MIPOL1: variants seen among roughly 807,000 people sequenced by gnomAD.
MIPOL1 encodes mirror-image polydactyly gene 1 protein.
In MIPOL1, 57 loss-of-function variants were observed where a neutral mutation model predicts 60.9. The ratio of observed to expected loss-of-function variants is 0.94; its 90% CI spans 0.76 to 1.17. The LOEUF is 1.17. MIPOL1 is among the 50% of genes most tolerant of loss of function. The probability of loss-of-function intolerance (pLI) is 0.00; values close to 1 mark genes in which losing one functional copy is unlikely to be tolerated. For synonymous variants in MIPOL1, 179 were observed against 168.8 expected, an observed-to-expected ratio of 1.06 and a Z score of -0.47; for missense variants, 551 against 511.6, an observed-to-expected ratio of 1.08 and a Z score of -0.74.
chr14:37,365,273 CTTG>C (rs1426729459), intron 9 of MIPOL1, among the ~76,000 whole-genome samples: 2 of 152,102 alleles, frequency 1.3e-5, no homozygotes, highest in Non-Finnish European at 2.9e-5. Context: ...AGTGGGCATC[CTTG>C]TTGTTTTCCA....
chr14:37,526,837 C>A (rs2095450773), intron 12 of MIPOL1, among the ~76,000 whole-genome samples: 1 of 152,090 alleles, frequency 6.6e-6, no homozygotes, highest in Middle Eastern at 3.4e-3. Context: ...TTAATTTTGA[C>A]AAAAATTGTC....
chr14:37,497,953 T>C (rs2095157706), intron 11 of MIPOL1, among the ~76,000 whole-genome samples: 2 of 152,150 alleles, frequency 1.3e-5, no homozygotes. Flanking sequence ...TACACATGAA[T>C]ACCTAGGTCC....
chr14:37,539,709 AG>A (rs1267629462), intron 12 of MIPOL1, among the ~76,000 whole-genome samples: 1 of 152,206 alleles, frequency 6.6e-6, no homozygotes, highest in Non-Finnish European at 1.5e-5. Flanking sequence ...GAAATCAAGT[AG>A]GGTAATGATT....
chr14:37,507,751 A>C (rs1440748112), intron 12 of MIPOL1: 1 of 152,212 alleles, frequency 6.6e-6, no homozygotes, highest in Non-Finnish European at 1.5e-5. Context: ...CCTAAAGTAT[A>C]ATAAAAATTA....
At chr14:37,517,230 A>T (rs1212760150) in intron 12 of MIPOL1, among the ~76,000 whole-genome samples, 1 of 152,204 alleles carries the variant, frequency 6.6e-6, no homozygotes, top group African/African-American at 2.4e-5. Context: ...TGCTTTGAAA[A>T]GTATAATGTG....
intron 1 of MIPOL1, among the ~76,000 whole-genome samples, chr14:37,218,176 T>C (rs1051682995): frequency 6.6e-6 from 1 of 152,098 alleles, no homozygotes; most frequent in African/African-American, 2.4e-5. Flanking sequence ...TTCATCTTTT[T>C]TTAATTATTA....
chr14:37,298,126 G>C (rs924100292), intron 7 of MIPOL1, among the ~76,000 whole-genome samples: 27 of 152,182 alleles, frequency 1.8e-4, no homozygotes, highest in Admixed American at 1.2e-3. Flanking sequence ...GAACAAAATA[G>C]AGCCCTCAGA....
chr14:37,464,060 A>G (rs900023644), intron 11 of MIPOL1, among the ~76,000 whole-genome samples: 3 of 152,228 alleles, frequency 2.0e-5, no homozygotes, highest in Non-Finnish European at 2.9e-5. Flanking sequence ...ACTATAAGAT[A>G]CCATCTCACA....
chr14:37,225,419 T>C (rs28816517), intron 1 of MIPOL1, among the ~76,000 whole-genome samples: 3 of 152,162 alleles, frequency 2.0e-5, no homozygotes, highest in Non-Finnish European at 4.4e-5. Flanking sequence ...AGGCAGAGGT[T>C]CCCAAACCCC....
intron 12 of MIPOL1, chr14:37,523,548 G>T: frequency 2.3e-6 from 1 of 429,048 alleles, no homozygotes; most frequent in Non-Finnish European, 4.1e-6. Flanking sequence ...AAAGAAGAAA[G>T]ATTGTTGCAC....
Position 37,308,523 on chromosome 14 carries a change from ACT to A in MIPOL1, c.828+7_828+8del, listed in dbSNP as rs771658932. ...ACGGGATGCTGCCTTGTCTAAGGTAACTCTGCATATATCTGTAAAAGCATATA... is the reference window on the plus strand; with the variant it reads ...ACGGGATGCTGCCTTGTCTAAGGTAACTGCATATATCTGTAAAAGCATATA... On this transcript the variant is annotated splice_donor_5th_base_variant and intron_variant, in intron 9 of 12. Coordinates refer to ENST00000684589, the MANE Select transcript of MIPOL1 (RefSeq NM_001388067.1). 27 of 1,558,784 alleles carry A rather than the reference ACT, an allele frequency of 1.7e-5. No homozygotes were observed. The Admixed American group carries it at 3.8e-4, about 22-fold the overall frequency.
chr14:37,278,374 G>T (rs1318164184), intron 6 of MIPOL1: 2 of 151,544 alleles, frequency 1.3e-5, no homozygotes, highest in African/African-American at 2.4e-5. Flanking sequence ...AATGTTAATT[G>T]TTCTCATATT....
At chr14:37,198,936 A>G (rs1964779412) in intron 1 of MIPOL1, among the ~76,000 whole-genome samples, 1 of 152,208 alleles carries the variant, frequency 6.6e-6, no homozygotes, top group Admixed American at 6.5e-5. Context: ...TGACAATTAC[A>G]TAATCATTCT....
At chr14:37,338,636 T>C (rs1462477922) in intron 9 of MIPOL1, among the ~76,000 whole-genome samples, 2 of 152,032 alleles carry the variant, frequency 1.3e-5, no homozygotes, top group Non-Finnish European at 2.9e-5. Context: ...CTAGAAGTCC[T>C]GGCCTCAAGT....
intron 9 of MIPOL1, among the ~76,000 whole-genome samples, chr14:37,313,570 A>C (rs1211140298): frequency 6.6e-6 from 1 of 152,124 alleles, no homozygotes; most frequent in Non-Finnish European, 1.5e-5. Context: ...TATGGACTTT[A>C]TGGACTTTAA....
At chr14:37,440,466 A>G (rs533146419) in intron 11 of MIPOL1, among the ~76,000 whole-genome samples, 2 of 151,554 alleles carry the variant, frequency 1.3e-5, no homozygotes, top group East Asian at 1.9e-4. Context: ...CTATCATTCC[A>G]CTCTCTATGT....
At chr14:37,239,917 T>C (rs532106440) in intron 1 of MIPOL1, among the ~76,000 whole-genome samples, 2 of 152,330 alleles carry the variant, frequency 1.3e-5, no homozygotes, top group South Asian at 4.1e-4. Context: ...AAGCTGACTT[T>C]AATATTACAG....
Position 37,549,492 on chromosome 14 carries a change from A to T in MIPOL1, c.*2521A>T, listed in dbSNP as rs2095556408. On this transcript the variant is annotated 3_prime_UTR_variant, in exon 13 of 13. Transcript: ENST00000684589. The stretch of plus-strand genomic sequence containing the variant: ...ATTCATTCTACAGATGAGGAAACAG[A>T]CTCAGTAAGCCTTGGAATTTGCCAA... The T allele has an allele frequency of 6.6e-6, 1 of 151,800 alleles. No individual in the cohort carries two copies. Among genetic ancestry groups the T allele is most frequent in the Non-Finnish European group, 1.5e-5 (1 of 67,774 alleles). The allele number at this position is 151,800 out of a possible 1,614,324, so 9.4% of individuals were successfully genotyped here. A position where few individuals can be genotyped will look rare whatever the true frequency, so the allele number is the denominator to read the frequency against.
intron 7 of MIPOL1, among the ~76,000 whole-genome samples, chr14:37,297,985 A>G (rs1303558455): frequency 6.6e-6 from 1 of 152,230 alleles, no homozygotes; most frequent in Non-Finnish European, 1.5e-5. Flanking sequence ...AAGAGCCCGC[A>G]TCGCCAAGTC....
Sources: gnomAD v4.1 joint callset for allele counts (sites outside exome capture counted in the v4.1 genomes callset) on GRCh38, gnomAD v4.1.1 for gene constraint, MANE v1.5 for transcripts, NCBI Gene and HGNC (gene_info 2026-07-23, HGNC 2026-07-21) for gene names.